The following LIMS1 variants were observed in gnomAD, a reference collection of about 807,000 sequenced individuals.
LIMS1 encodes the protein LIM and senescent cell antigen-like-containing domain protein 1.
In LIMS1, 18 loss-of-function variants were observed where a neutral mutation model predicts 44.1. That is an observed-to-expected ratio of 0.41 (90% CI 0.28 to 0.61). LIMS1 has a LOEUF of 0.61. Ranked by LOEUF, LIMS1 falls within the 20% of genes least tolerant of loss-of-function variation. LIMS1 has a pLI of 0.32. For synonymous variants in LIMS1, 93 were observed against 149.1 expected, an observed-to-expected ratio of 0.62 and a Z score of 2.74; for missense variants, 201 against 422.0, an observed-to-expected ratio of 0.48 and a Z score of 4.59.
At chr2:108,643,449 C>T (rs529580620) in intron 1 of LIMS1, among the ~76,000 whole-genome samples, 21 of 152,286 alleles carry the variant, frequency 1.4e-4, no homozygotes, top group Admixed American at 1.0e-3. Context: ...GTACCATGCA[C>T]CCCGGCCCAG....
At chr2:108,626,632 A>C (rs7565691) in intron 1 of LIMS1, among the ~76,000 whole-genome samples, 1 of 152,198 alleles carries the variant, frequency 6.6e-6, no homozygotes, top group Non-Finnish European at 1.5e-5. Context: ...TCTGTTTCTC[A>C]TTGAATGAGT....
intron 5 of LIMS1, chr2:108,673,812 A>G (rs369762058): frequency 3.9e-4 from 59 of 152,328 alleles, no homozygotes; most frequent in African/African-American, 1.3e-3. Flanking sequence ...TGTTTTTCCA[A>G]TCGAAGATCT....
chr2:108,680,338 G>A (rs1470572642), intron 8 of LIMS1, among the ~76,000 whole-genome samples: 3 of 141,098 alleles, frequency 2.1e-5, no homozygotes, highest in African/African-American at 5.4e-5. Context: ...CTGCACTCCA[G>A]CCTGGCAACA....
At chr2:108,551,491 GCACACACACACACACACACA>G (rs67589132) in intron 1 of LIMS1, among the ~76,000 whole-genome samples, 14 of 114,862 alleles carry the variant, frequency 1.2e-4, no homozygotes, top group Non-Finnish European at 2.1e-4. Flanking sequence ...GCGCGCGCGC[GCACACACACACACACACACA>G]CACACACACA....
chr2:108,577,410 C>T (rs1006137011), intron 1 of LIMS1, among the ~76,000 whole-genome samples: 19 of 152,188 alleles, frequency 1.2e-4, no homozygotes, highest in Middle Eastern at 3.2e-3. Flanking sequence ...GTGTGTACAT[C>T]GCAGTCTAGG....
At chr2:108,631,466 T>G (rs941067871) in intron 1 of LIMS1, among the ~76,000 whole-genome samples, 1 of 152,234 alleles carries the variant, frequency 6.6e-6, no homozygotes, top group East Asian at 1.9e-4. Flanking sequence ...AAGGAGGATT[T>G]ATTGTGTTTC....
At chr2:108,560,155 G>T (rs1212017792) in intron 1 of LIMS1, among the ~76,000 whole-genome samples, 1 of 151,268 alleles carries the variant, frequency 6.6e-6, no homozygotes, top group African/African-American at 2.4e-5. Flanking sequence ...TGATGAGGTT[G>T]CTGTCACCTC....
chr2:108,628,078 G>T (rs1337655232), intron 1 of LIMS1, among the ~76,000 whole-genome samples: 2 of 152,234 alleles, frequency 1.3e-5, no homozygotes, highest in Non-Finnish European at 2.9e-5. Flanking sequence ...TTTGCCTGCA[G>T]TGCTGAGTGT....
chr2:108,654,960 C>T (rs530431240), intron 1 of LIMS1: 287 of 1,514,882 alleles, frequency 1.9e-4, no homozygotes, highest in Middle Eastern at 2.5e-4. Context: ...GGCTGACGTG[C>T]GTGGGAACAG....
chr2:108,676,337 G>A (rs1692563008), intron 6 of LIMS1, among the ~76,000 whole-genome samples: 1 of 152,168 alleles, frequency 6.6e-6, no homozygotes, highest in South Asian at 2.1e-4. Context: ...GTATCCAGCA[G>A]CAGCTCCTCC....
chr2:108,681,219 G>T, intron 9 of LIMS1: 1 of 1,250,284 alleles, frequency 8.0e-7, no homozygotes, highest in East Asian at 3.1e-5. Context: ...TTCCCCCCCT[G>T]CAACTTTTGG....
At chr2:108,592,093 C>T (rs1311703850) in intron 1 of LIMS1, among the ~76,000 whole-genome samples, 1 of 152,096 alleles carries the variant, frequency 6.6e-6, no homozygotes, top group Admixed American at 6.5e-5. Context: ...CCACGCCCAG[C>T]CTAGTTTTGT....
intron 1 of LIMS1, among the ~76,000 whole-genome samples, chr2:108,625,822 A>T (rs1688540020): frequency 6.6e-6 from 1 of 152,224 alleles, no homozygotes; most frequent in African/African-American, 2.4e-5. Flanking sequence ...AAACCTTCCA[A>T]GCTCATATTT....
intron 1 of LIMS1, among the ~76,000 whole-genome samples, chr2:108,619,375 T>TA (rs1164473615): frequency 2.6e-5 from 4 of 151,274 alleles, no homozygotes; most frequent in Non-Finnish European, 5.9e-5. Context: ...TTTTTTTTTT[T>TA]AACTTGTCTT....
At chr2:108,547,964 TA>T (rs1285318255) in intron 1 of LIMS1, among the ~76,000 whole-genome samples, 1 of 152,246 alleles carries the variant, frequency 6.6e-6, no homozygotes, top group African/African-American at 2.4e-5. Flanking sequence ...TGGGTAGTGA[TA>T]TTTTTGCAAT....
chr2:108,597,465 A>G (rs2104706689), intron 1 of LIMS1, among the ~76,000 whole-genome samples: 1 of 152,294 alleles, frequency 6.6e-6, no homozygotes, highest in Non-Finnish European at 1.5e-5. Flanking sequence ...AATAAGCAAC[A>G]AATACACTAG....
chr2:108,649,227 CTCA>C (rs1690289717), intron 1 of LIMS1, among the ~76,000 whole-genome samples: 2 of 152,208 alleles, frequency 1.3e-5, no homozygotes, highest in South Asian at 4.1e-4. Flanking sequence ...TGAAAAACAG[CTCA>C]TCATCACTGA....
chr2:108,568,626 C>A (rs895776588), intron 1 of LIMS1, among the ~76,000 whole-genome samples: 1 of 152,162 alleles, frequency 6.6e-6, no homozygotes, highest in Non-Finnish European at 1.5e-5. Flanking sequence ...AATACCCACA[C>A]CATTTTACAC....
intron 1 of LIMS1, among the ~76,000 whole-genome samples, chr2:108,589,230 A>T (rs1197519728): frequency 6.6e-6 from 1 of 151,954 alleles, no homozygotes; most frequent in Non-Finnish European, 1.5e-5. Flanking sequence ...TTTAATTGGC[A>T]CATTTATTTA....
Sources: allele counts gnomAD v4.1 joint callset (sites outside exome capture counted in the v4.1 genomes callset), GRCh38; gene constraint gnomAD v4.1.1; transcripts MANE v1.5; gene names NCBI Gene and HGNC (gene_info 2026-07-23, HGNC 2026-07-21).